CPAP: variants seen among roughly 807,000 people sequenced by gnomAD.
CPAP encodes the protein centrosome assembly and centriole elongation protein.
the CPAP span, chr13:24,889,377 G>C: frequency 6.2e-7 from 1 of 1,610,432 alleles, no homozygotes; most frequent in Non-Finnish European, 8.5e-7. Context: ...AAATCTGACT[G>C]TTTTGAAATC....
the CPAP span, among the ~76,000 whole-genome samples, chr13:24,920,573 TAACAAAAATAAATAATGATGTGTG>T: frequency 9.4e-5 from 14 of 149,522 alleles, no homozygotes; most frequent in Non-Finnish European, 1.8e-4. Context: ...CCACAGGCAG[TAACAAAAATAAATAATGATGTGTG>T]AACATCAGAC....
the CPAP span, chr13:24,933,027 T>C: frequency 1.9e-6 from 3 of 1,588,122 alleles, no homozygotes; most frequent in Non-Finnish European, 1.7e-6. Flanking sequence ...TCTTTGCAAA[T>C]TGTATCTTCT....
chr13:24,910,075 G>A, the CPAP span: 2 of 1,612,294 alleles, frequency 1.2e-6, no homozygotes, highest in African/African-American at 2.7e-5. Flanking sequence ...TCATCAGGCA[G>A]TAAACTCAAA....
At chr13:24,901,061 T>C in the CPAP span, among the ~76,000 whole-genome samples, 3 of 152,138 alleles carry the variant, frequency 2.0e-5, no homozygotes, top group Admixed American at 2.0e-4. Context: ...GAGAACTGGA[T>C]CTGGGGCGTA....
the CPAP span, chr13:24,884,101 A>G: frequency 1.2e-6 from 2 of 1,602,728 alleles, no homozygotes; most frequent in Admixed American, 3.4e-5. Context: ...AAAAGTTGTT[A>G]CAGTAAATAT....
the CPAP span, chr13:24,883,883 G>C: frequency 6.4e-7 from 1 of 1,551,958 alleles, no homozygotes; most frequent in Non-Finnish European, 8.9e-7. Context: ...CATCAGAAAC[G>C]CAAGGCTGGG....
chr13:24,923,148 G>A, the CPAP span, among the ~76,000 whole-genome samples: 5 of 152,190 alleles, frequency 3.3e-5, no homozygotes, highest in African/African-American at 4.8e-5. Context: ...GCCTAACGGA[G>A]CGATGGATCT....
At chr13:24,882,621 T>G in the CPAP span, 238 of 154,240 alleles carry the variant, frequency 1.5e-3, 3 homozygotes, top group South Asian at 9.7e-3. Context: ...CTGCTTTCTC[T>G]TCACCATGAT....
chr13:24,922,562 G>A, the CPAP span, among the ~76,000 whole-genome samples: 1 of 152,258 alleles, frequency 6.6e-6, no homozygotes, highest in Non-Finnish European at 1.5e-5. Flanking sequence ...GAACAAAGCA[G>A]CGCGAATGAA....
chr13:24,883,481 T>C, the CPAP span: 1 of 789,930 alleles, frequency 1.3e-6, no homozygotes, highest in South Asian at 1.8e-5. Flanking sequence ...TCTGGAGACA[T>C]CCCTTGGTTA....
the CPAP span, chr13:24,907,873 A>G: frequency 1.5e-6 from 1 of 661,058 alleles, no homozygotes; most frequent in Non-Finnish European, 2.7e-6. Flanking sequence ...TTGACAGTAC[A>G]TAATAGGTTG....
the CPAP span, among the ~76,000 whole-genome samples, chr13:24,926,575 C>T: frequency 1.3e-5 from 2 of 152,158 alleles, no homozygotes; most frequent in East Asian, 3.9e-4. Flanking sequence ...GAGGAACCAT[C>T]CACCTACCTG....
chr13:24,906,755 T>C, the CPAP span: 1 of 1,614,134 alleles, frequency 6.2e-7, no homozygotes, highest in Non-Finnish European at 8.5e-7. Flanking sequence ...CAGCTCTTTA[T>C]TTTTAAGAGC....
the CPAP span, chr13:24,924,920 CAAG>C: frequency 1.3e-5 from 2 of 152,026 alleles, no homozygotes; most frequent in East Asian, 3.9e-4. Context: ...ATAGGACTGT[CAAG>C]AAGATTACAT....
the CPAP span, among the ~76,000 whole-genome samples, chr13:24,888,773 C>T: frequency 6.6e-6 from 1 of 152,254 alleles, no homozygotes; most frequent in South Asian, 2.1e-4. Flanking sequence ...ATGCAATCTA[C>T]ATAGCTATTA....
the CPAP span, among the ~76,000 whole-genome samples, chr13:24,914,963 T>C: frequency 6.6e-6 from 1 of 151,862 alleles, no homozygotes. Context: ...TAATCCCAGC[T>C]ACTCAGGAGG....
At chr13:24,900,697 C>T in the CPAP span, among the ~76,000 whole-genome samples, 1 of 152,104 alleles carries the variant, frequency 6.6e-6, no homozygotes, top group Non-Finnish European at 1.5e-5. Flanking sequence ...CGCAGGCTGG[C>T]TCTGGATGTG....
the CPAP span, among the ~76,000 whole-genome samples, chr13:24,910,606 AATCCTAAGGG>A: frequency 1.3e-5 from 2 of 152,188 alleles, no homozygotes; most frequent in Non-Finnish European, 2.9e-5. Flanking sequence ...AATATTTAAG[AATCCTAAGGG>A]ATCCTGAGAC....
chr13:24,913,229 G>A, the CPAP span: 1 of 565,202 alleles, frequency 1.8e-6, no homozygotes, highest in Non-Finnish European at 3.1e-6. Context: ...CAAAGCAATT[G>A]GGCATTGAGC....
Sources: gnomAD v4.1 joint callset for allele counts (sites outside exome capture counted in the v4.1 genomes callset) on GRCh38, gnomAD v4.1.1 for gene constraint, MANE v1.5 for transcripts, NCBI Gene and HGNC (gene_info 2026-07-23, HGNC 2026-07-21) for gene names.